GLIS3: variants seen among roughly 807,000 people sequenced by gnomAD.
The protein encoded by GLIS3 is GLIS family zinc finger 3.
A neutral mutation model predicts 78.6 loss-of-function variants in GLIS3; 53 were observed. That is an observed-to-expected ratio of 0.67 (90% CI 0.54 to 0.85). The LOEUF (loss-of-function observed/expected upper bound fraction) is 0.85. GLIS3 is among the 40% of genes least tolerant of loss of function. The probability of loss-of-function intolerance (pLI) is 0.00; values close to 1 mark genes in which losing one functional copy is unlikely to be tolerated. For synonymous variants in GLIS3, 684 were observed against 509.9 expected, an observed-to-expected ratio of 1.34 and a Z score of -4.60; for missense variants, 1,703 against 1,231.1, an observed-to-expected ratio of 1.38 and a Z score of -5.74.
chr9:4,408,643 C>T, the GLIS3 span, among the ~76,000 whole-genome samples: 3 of 137,314 alleles, frequency 2.2e-5, no homozygotes, highest in Admixed American at 1.5e-4. Context: ...AGGAGAATGG[C>T]GTGAACCCGG....
chr9:4,196,937 C>T (rs986469006), intron 2 of GLIS3, among the ~76,000 whole-genome samples: 1 of 152,184 alleles, frequency 6.6e-6, no homozygotes, highest in Non-Finnish European at 1.5e-5. Context: ...CCTCTCCGCT[C>T]CACCCCTAGG....
chr9:3,946,402 G>A (rs1380064821), intron 4 of GLIS3, among the ~76,000 whole-genome samples: 1 of 152,210 alleles, frequency 6.6e-6, no homozygotes, highest in Non-Finnish European at 1.5e-5. Flanking sequence ...TCCTTGTGTA[G>A]TAAGCTCATT....
chr9:4,241,579 T>C (rs1400113796), intron 2 of GLIS3, among the ~76,000 whole-genome samples: 1 of 152,218 alleles, frequency 6.6e-6, no homozygotes, highest in Non-Finnish European at 1.5e-5. Context: ...TTATCACATA[T>C]ATCCCCAAAA....
chr9:3,896,612 G>A (rs1482248222), intron 7 of GLIS3, among the ~76,000 whole-genome samples: 6 of 136,630 alleles, frequency 4.4e-5, no homozygotes, highest in African/African-American at 1.4e-4. Context: ...GTTGCAGTGA[G>A]CTGAGATGGT....
intron 2 of GLIS3, among the ~76,000 whole-genome samples, chr9:4,346,190 T>G (rs896935247): frequency 2.0e-5 from 3 of 152,226 alleles, no homozygotes; most frequent in African/African-American, 7.2e-5. Flanking sequence ...AACTAGAGGT[T>G]TTACAGACCT....
intron 2 of GLIS3, among the ~76,000 whole-genome samples, chr9:4,198,995 T>C (rs1397167934): frequency 1.3e-5 from 2 of 152,192 alleles, no homozygotes; most frequent in African/African-American, 2.4e-5. Context: ...ATAAAATCTT[T>C]TCCAAACAAG....
chr9:4,171,007 G>A (rs1816326441), intron 2 of GLIS3, among the ~76,000 whole-genome samples: 3 of 151,996 alleles, frequency 2.0e-5, no homozygotes, highest in Non-Finnish European at 4.4e-5. Context: ...TCACACAAAG[G>A]GAATCATACG....
At chr9:3,972,453 G>A (rs1171959903) in intron 4 of GLIS3, among the ~76,000 whole-genome samples, 6 of 152,148 alleles carry the variant, frequency 3.9e-5, no homozygotes, top group African/African-American at 1.4e-4. Context: ...CAGATAATGG[G>A]GTCCTCATGG....
intron 6 of GLIS3, among the ~76,000 whole-genome samples, chr9:3,905,200 T>C (rs532284440): frequency 1.9e-4 from 27 of 141,938 alleles, no homozygotes; most frequent in South Asian, 9.1e-4. Context: ...CCATGTTAGC[T>C]AGGATAGTCT....
chr9:4,125,538 C>G (rs1213021680), intron 3 of GLIS3, among the ~76,000 whole-genome samples, 196 bp downstream of exon 3: 1 of 152,110 alleles, frequency 6.6e-6, no homozygotes, highest in African/African-American at 2.4e-5. Flanking sequence ...AAGCATTCCT[C>G]CCAATTAAGA....
chr9:4,343,909 C>A (rs1817870067), intron 2 of GLIS3, among the ~76,000 whole-genome samples: 1 of 152,000 alleles, frequency 6.6e-6, no homozygotes, highest in Non-Finnish European at 1.5e-5. Flanking sequence ...CACAAGGGGC[C>A]TACCTGAGAG....
At chr9:4,482,935 G>C in the GLIS3 span, among the ~76,000 whole-genome samples, 1 of 152,202 alleles carries the variant, frequency 6.6e-6, no homozygotes, top group Non-Finnish European at 1.5e-5. Flanking sequence ...GAAAAAAAGA[G>C]AGAAGCTAAC....
chr9:4,403,574 G>C, the GLIS3 span, among the ~76,000 whole-genome samples: 4,236 of 152,154 alleles, frequency 0.028, 195 homozygotes, highest in African/African-American at 0.097. Context: ...GGGGAACAAA[G>C]TTATAAAGTG....
chr9:4,039,162 T>C (rs917876880), intron 4 of GLIS3, among the ~76,000 whole-genome samples: 2 of 152,224 alleles, frequency 1.3e-5, no homozygotes, highest in Non-Finnish European at 2.9e-5. Flanking sequence ...TTCCACACTC[T>C]ACCCATTTCA....
At chr9:4,263,260 G>C (rs970999157) in intron 2 of GLIS3, among the ~76,000 whole-genome samples, 1 of 152,180 alleles carries the variant, frequency 6.6e-6, no homozygotes, top group South Asian at 2.1e-4. Flanking sequence ...GAGGACAGGT[G>C]ATTCTGTGTT....
intron 2 of GLIS3, among the ~76,000 whole-genome samples, chr9:4,192,833 A>G (rs975908642): frequency 6.6e-6 from 1 of 152,154 alleles, no homozygotes; most frequent in Admixed American, 6.5e-5. Context: ...AAGAAGAAGA[A>G]AGGAAGAGAG....
the GLIS3 span, among the ~76,000 whole-genome samples, chr9:4,477,410 TG>T: frequency 1.7e-5 from 2 of 120,352 alleles, no homozygotes; most frequent in African/African-American, 6.1e-5. Context: ...TAGTGTGTTT[TG>T]GGGGGGCTGG....
At chr9:3,860,272 C>CAAAAAAAAAAAAAAAA (rs59923144) in intron 8 of GLIS3, among the ~76,000 whole-genome samples, 8 of 53,608 alleles carry the variant, frequency 1.5e-4, no homozygotes, top group Non-Finnish European at 1.9e-4. Context: ...AAGACTCTGT[C>CAAAAAAAAAAAAAAAA]AAAAAAAAAA....
chr9:4,310,497 C>G (rs1393347651), exon 3 of GLIS3: 2 of 152,190 alleles, frequency 1.3e-5, no homozygotes, highest in African/African-American at 4.8e-5. Flanking sequence ...CAAGAAGAGT[C>G]ACTGCCGATT....
Sources: gnomAD v4.1 joint callset for allele counts (sites outside exome capture counted in the v4.1 genomes callset) on GRCh38, gnomAD v4.1.1 for gene constraint, MANE v1.5 for transcripts, NCBI Gene and HGNC (gene_info 2026-07-23, HGNC 2026-07-21) for gene names.